RGS12: variants seen among roughly 807,000 people sequenced by gnomAD.
The protein encoded by RGS12 is regulator of G-protein signaling 12.
A neutral mutation model predicts 120.1 loss-of-function variants in RGS12; 66 were observed. The ratio of observed to expected loss-of-function variants is 0.55; its 90% CI spans 0.45 to 0.67. The LOEUF is 0.67. Ranked by LOEUF, RGS12 falls within the 30% of genes least tolerant of loss-of-function variation. The pLI is 0.00. For missense variants in RGS12, 1,859 were observed against 1,957.7 expected (o/e 0.95, Z 0.95); for synonymous variants, 827 against 804.7 (o/e 1.03, Z -0.47).
chr4:3,342,797 C>T, intron 2 of RGS12, 140 bp from the exon 3 acceptor site: 2 of 737,452 alleles, frequency 2.7e-6, no homozygotes, highest in East Asian at 2.5e-5. Flanking sequence ...AAGATTTACC[C>T]TGGGATGACT....
At chr4:3,338,947 G>A (rs180959976) in intron 2 of RGS12, among the ~76,000 whole-genome samples, 109 of 152,288 alleles carry the variant, frequency 7.2e-4, no homozygotes, top group African/African-American at 2.4e-3. Context: ...TGAGAAACAC[G>A]AGTAAACGCT....
chr4:3,386,237 G>A, intron 3 of RGS12, 179 bp from the exon 4 acceptor site: 3 of 637,268 alleles, frequency 4.7e-6, no homozygotes, highest in Non-Finnish European at 8.5e-6. Flanking sequence ...TTTGGGCGGA[G>A]TGGGAGCCGT....
At chr4:3,435,452 G>A (rs1724714758) in intron 17 of RGS12, among the ~76,000 whole-genome samples, 1 of 152,054 alleles carries the variant, frequency 6.6e-6, no homozygotes, top group Non-Finnish European at 1.5e-5. Context: ...ACAGCCCCAG[G>A]AGCCTGCCAC....
chr4:3,355,607 C>T (rs1714800344), intron 3 of RGS12, among the ~76,000 whole-genome samples: 1 of 151,574 alleles, frequency 6.6e-6, no homozygotes, highest in Admixed American at 6.6e-5. Context: ...CCAGCCTGGA[C>T]AACATGGCTA....
chr4:3,432,544 A>G (rs1450645586), intron 17 of RGS12, among the ~76,000 whole-genome samples: 1 of 152,228 alleles, frequency 6.6e-6, no homozygotes, highest in African/African-American at 2.4e-5. Context: ...AGGGCCAGAC[A>G]GACCCACGTG....
chr4:3,387,434 A>G (rs1718972824), intron 4 of RGS12, among the ~76,000 whole-genome samples: 1 of 152,190 alleles, frequency 6.6e-6, no homozygotes. Flanking sequence ...GAAGGCCAGG[A>G]GGACCCCAGG....
intron 3 of RGS12, among the ~76,000 whole-genome samples, chr4:3,380,322 T>C (rs1271215923): frequency 6.6e-6 from 1 of 152,254 alleles, no homozygotes; most frequent in Non-Finnish European, 1.5e-5. Context: ...CAAGCTGCTT[T>C]CACGGGTTGG....
chr4:3,350,689 CA>C (rs200038154), intron 3 of RGS12, among the ~76,000 whole-genome samples: 1,854 of 150,360 alleles, frequency 0.012, 50 homozygotes, highest in African/African-American at 0.042. Context: ...CTCAAAAAAA[CA>C]AAAAACAAAA....
intron 1 of RGS12, among the ~76,000 whole-genome samples, chr4:3,297,429 C>A (rs3129311): frequency 0.96 from 146,430 of 152,300 alleles, 70,448 homozygotes; most frequent in East Asian, 1. Context: ...TTAAGACATT[C>A]TTTTTTTATT....
At position 3,365,407 on chromosome 4, in the gene RGS12, G is replaced by A. The variant is rs1206937315; in HGVS notation, c.1999-21009G>A. 2.6e-5 allele frequency among the ~76,000 whole-genome samples: 4 copies of A among 152,018 alleles called. No homozygotes were observed. The East Asian group carries it at 7.8e-4, about 30-fold the overall frequency. On this transcript the variant is annotated intron_variant, in intron 3 of 17. Coordinates refer to ENST00000336727, the MANE Select transcript of RGS12 (RefSeq NM_001394154.1). The surrounding 1 kb of genome is among the most constrained non-coding windows in gnomAD (Gnocchi z 4.0). Reference sequence around the variant, plus strand: ...GAGGGAGGACAGGTCTTGAGGGAGGGAGGAGGGAGGGAGGTGGCAGGAGCT... The same window carrying A: ...GAGGGAGGACAGGTCTTGAGGGAGGAAGGAGGGAGGGAGGTGGCAGGAGCT...
chr4:3,439,763 GC>G lies in RGS12; in HGVS notation c.*81del. 1 of 1,298,532 alleles carries G rather than the reference GC, an allele frequency of 7.7e-7. No homozygotes were observed. Among genetic ancestry groups the G allele is most frequent in the Non-Finnish European group, 1.0e-6 (1 of 969,862 alleles). The allele number at this position is 1,298,532 out of a possible 1,614,324, so 80.4% of individuals were successfully genotyped here. ...GGTGGATTCTGTGGGCCTCAGGGGG[GC>G]CACCCTGGCCACCACACCCTCAGGA... On this transcript the variant is annotated 3_prime_UTR_variant, in exon 18 of 18. Coordinates refer to ENST00000336727, the MANE Select transcript of RGS12 (RefSeq NM_001394154.1).
At chr4:3,408,558 G>C (rs944486982) in intron 4 of RGS12, among the ~76,000 whole-genome samples, 2 of 152,212 alleles carry the variant, frequency 1.3e-5, no homozygotes, top group Non-Finnish European at 2.9e-5. Context: ...CCGGTAGCCA[G>C]TTTTTGAAAA....
chr4:3,432,199 T>A, intron 17 of RGS12: 1 of 978,554 alleles, frequency 1.0e-6, no homozygotes, highest in South Asian at 4.7e-5. Flanking sequence ...CTTTTCTTTC[T>A]CATTTGAAAC....
chr4:3,422,619 C>G, intron 11 of RGS12, 49 bp downstream of exon 11: 6 of 1,557,492 alleles, frequency 3.9e-6, no homozygotes, highest in Non-Finnish European at 5.2e-6. Context: ...ATGACCTCCC[C>G]GCTCCCTGGC....
At position 3,342,508 on chromosome 4, in the gene RGS12, A is replaced by G; in HGVS notation, c.1882-429A>G. On this transcript the variant is annotated intron_variant, in intron 2 of 17. Coordinates refer to ENST00000336727, the MANE Select transcript of RGS12 (RefSeq NM_001394154.1). ...TCCTAAAGTGCTTACAAAATTATGA[A>G]AAAGCACGACTTTGCTGAAAACCTG... 2.3e-6 allele frequency: 3 copies of G among 1,290,834 alleles called. No homozygotes were observed. In the South Asian group the frequency reaches 3.7e-5, roughly 16 times the overall value. 80.0% of individuals were successfully genotyped at this position (1,290,834 alleles called of 1,614,324 possible).
chr4:3,294,888 C>T (rs1723278225), intron 1 of RGS12, among the ~76,000 whole-genome samples: 1 of 152,062 alleles, frequency 6.6e-6, no homozygotes, highest in Admixed American at 6.6e-5. Flanking sequence ...AGGAAAGGCC[C>T]CTCACGTGGA....
Position 3,316,916 on chromosome 4 carries a change from C to G in RGS12, c.746C>G (p.Ser249Cys), listed in dbSNP as rs1334260001. 1.9e-6 allele frequency: 3 copies of G among 1,613,864 alleles called. No individual in the cohort carries two copies. Among genetic ancestry groups the G allele is most frequent in the African/African-American group, 2.7e-5 (2 of 74,944 alleles). The stretch of plus-strand genomic sequence containing the variant: ...CCTTCCACGAGCTCCAACCTGGAGT[C>G]CGACAGCTTGCAAGCCATCCGCGGC... The part of the protein sequence containing the change: ...ELPSTSSNLE[S>C]DSLQAIRGCM... The change falls in exon 2 of 18, where the codon TCC becomes TGC. Residue 249 changes from serine (S) to cysteine (C), a missense_variant. Physicochemically the swap from Ser to Cys is moderately radical, Grantham distance 112. This residue lies in a region of RGS12 where 967 missense variants were observed against 994.2 expected (regional missense o/e 0.97). Transcript: ENST00000336727.
chr4:3,414,926 CGTGTGTGAGGG>C, intron 6 of RGS12, 82 bp downstream of exon 6: 1 of 938,984 alleles, frequency 1.1e-6, no homozygotes, highest in Non-Finnish European at 1.7e-6. Flanking sequence ...GAGAGGGCCA[CGTGTGTGAGGG>C]GCATGTGAGG....
rs1724985157 is a variant in RGS12 at position 3,318,818 on chromosome 4, G to A, written c.1881+767G>A. ...GTTGGGTGCAGGGAACCCTCTGGAA[G>A]GACTTCCTCCAGCCAGAGGCGGCGC... On this transcript the variant is annotated intron_variant, in intron 2 of 17. Coordinates refer to ENST00000336727, the MANE Select transcript of RGS12 (RefSeq NM_001394154.1). Among the ~76,000 whole-genome samples the A allele has an allele frequency of 2.0e-5, 3 of 152,274 alleles. No individual in the cohort carries two copies. The South Asian group carries it at 6.2e-4, about 32-fold the overall frequency.
Sources: gnomAD v4.1 joint callset for allele counts (sites outside exome capture counted in the v4.1 genomes callset) on GRCh38, gnomAD v4.1.1 for gene constraint, gnomAD v4.1.1 regional missense constraint, Gnocchi (gnomAD v3.1) non-coding constraint, MANE v1.5 for transcripts, NCBI Gene and HGNC (gene_info 2026-07-23, HGNC 2026-07-21) for gene names.